PAPPA: variants seen among roughly 807,000 people sequenced by gnomAD.
PAPPA encodes pappalysin-1.
PAPPA carries 60 observed loss-of-function variants against 164.0 expected under a neutral mutation model. That is an observed-to-expected ratio of 0.37 (90% CI 0.30 to 0.45). The LOEUF is 0.45. Among genes scored for constraint, PAPPA ranks in the 20% least tolerant of loss-of-function variants. The pLI is 1.00. For missense variants in PAPPA, 1,782 were observed against 2,087.3 expected (o/e 0.85, Z 2.85); for synonymous variants, 875 against 814.1 (o/e 1.07, Z -1.27).
intron 20 of PAPPA, among the ~76,000 whole-genome samples, chr9:116,379,507 T>C (rs1846699108): frequency 6.6e-6 from 1 of 152,102 alleles, no homozygotes; most frequent in African/African-American, 2.4e-5. Flanking sequence ...AACTATGCTC[T>C]CCTTGAGTCA....
Position 116,211,901 on chromosome 9 carries a change from C to T in PAPPA, c.1887C>T (p.Asn629=), listed in dbSNP as rs924527507. The part of the protein sequence containing the change: ...NDTCGFHSFF[N]TPYNNFMSYA... ...CCTGTGGCTTTCATAGCTTCTTCAA[C>T]ACTCCTTACAACAACTTCATGAGCT... Residue 629 remains asparagine, a synonymous_variant, in exon 4 of 22, where the codon AAC becomes AAT. Coordinates refer to ENST00000328252, the MANE Select transcript of PAPPA (RefSeq NM_002581.5). 3.7e-6 allele frequency: 6 copies of T among 1,613,986 alleles called. No individual in the cohort carries two copies. The highest frequency in any genetic ancestry group is 1.3e-5 in the African/African-American group (1 of 74,916).
intron 21 of PAPPA, among the ~76,000 whole-genome samples, chr9:116,393,453 T>C (rs17302434): frequency 0.091 from 13,808 of 152,174 alleles, 630 homozygotes; most frequent in East Asian, 0.12. Context: ...TCATGGGTCA[T>C]TGAATGCATA....
intron 12 of PAPPA, among the ~76,000 whole-genome samples, chr9:116,333,545 G>A (rs1846020528): frequency 2.0e-5 from 3 of 152,298 alleles, no homozygotes; most frequent in Admixed American, 2.0e-4. Flanking sequence ...AGCAAGCCAG[G>A]CAAGGGGTCA....
intron 1 of PAPPA, among the ~76,000 whole-genome samples, chr9:116,184,691 A>T (rs961908257): frequency 6.6e-6 from 1 of 152,226 alleles, no homozygotes; most frequent in Non-Finnish European, 1.5e-5. Flanking sequence ...ATCAAAATTC[A>T]AAGTAAATTA....
chr9:116,345,750 G>A (rs1846199317), intron 14 of PAPPA, among the ~76,000 whole-genome samples: 1 of 152,228 alleles, frequency 6.6e-6, no homozygotes, highest in South Asian at 2.1e-4. Flanking sequence ...GATAGGACGT[G>A]TCCTGCGTGA....
chr9:116,253,000 C>T (rs1441264047), intron 7 of PAPPA, among the ~76,000 whole-genome samples: 10 of 152,170 alleles, frequency 6.6e-5, no homozygotes. Flanking sequence ...CTGCACCAGG[C>T]ACAGAGATAC....
At chr9:116,324,985 T>C (rs901368837) in intron 10 of PAPPA, among the ~76,000 whole-genome samples, 3 of 151,888 alleles carry the variant, frequency 2.0e-5, no homozygotes, top group Non-Finnish European at 4.4e-5. Flanking sequence ...AGTAGCAGGG[T>C]GGTATGGTTA....
chr9:116,200,957 T>A (rs1844165195), intron 2 of PAPPA, among the ~76,000 whole-genome samples: 1 of 152,246 alleles, frequency 6.6e-6, no homozygotes, highest in African/African-American at 2.4e-5. Context: ...ATTGATGCTA[T>A]TATGTTACAT....
At chr9:116,175,887 A>C (rs1055376699) in intron 1 of PAPPA, among the ~76,000 whole-genome samples, 5 of 152,158 alleles carry the variant, frequency 3.3e-5, no homozygotes, top group African/African-American at 1.2e-4. Flanking sequence ...ACAACCAAAA[A>C]CAGTATTAGG....
chr9:116,373,737 G>T (rs551581282), intron 19 of PAPPA: 4 of 152,142 alleles, frequency 2.6e-5, no homozygotes, highest in African/African-American at 4.8e-5. Flanking sequence ...TACAGCTTCA[G>T]GGGATGGTAT....
rs574004729 is a variant in PAPPA at position 116,202,442 on chromosome 9, G to T, written c.1479-5014G>T. Among the ~76,000 whole-genome samples, 4 of 152,240 alleles carry T rather than the reference G, an allele frequency of 2.6e-5. No individual in the cohort carries two copies. In the South Asian group the frequency reaches 8.3e-4, roughly 32 times the overall value. The stretch of plus-strand genomic sequence containing the variant: ...ATCTCCCTCCAGAACTGCACTCATG[G>T]CTTTGAAATGCAGTTCTGGCAAAGG... On this transcript the variant is annotated intron_variant, in intron 2 of 21. Coordinates refer to ENST00000328252, the MANE Select transcript of PAPPA (RefSeq NM_002581.5).
intron 12 of PAPPA, among the ~76,000 whole-genome samples, chr9:116,333,244 A>G (rs1470679196): frequency 6.6e-6 from 1 of 152,186 alleles, no homozygotes; most frequent in African/African-American, 2.4e-5. Context: ...CACATCACTT[A>G]GAGGCTCACT....
intron 2 of PAPPA, among the ~76,000 whole-genome samples, chr9:116,198,689 G>A (rs1844135332): frequency 1.3e-5 from 2 of 152,208 alleles, no homozygotes; most frequent in Admixed American, 6.5e-5. Context: ...CCTAGTGAGT[G>A]TAGCTGAGCT....
rs1477705083 is a variant in PAPPA at position 116,187,215 on chromosome 9, C to T, written c.477C>T (p.Thr159=). The part of the protein sequence containing the change: ...RDRGWVVGIH[T]ISDQDNKDPR... The stretch of plus-strand genomic sequence containing the variant: ...GAGGATGGGTCGTGGGCATTCACAC[C>T]ATCAGTGACCAAGACAACAAAGACC... The change falls in exon 2 of 22, where the codon ACC becomes ACT. Residue 159 remains threonine (T), a synonymous_variant. Transcript: ENST00000328252. This position sits in a 1 kb window ranked among gnomAD's most constrained non-coding sequence, Gnocchi z 4.2. The T allele has an allele frequency of 2.5e-6, 4 of 1,614,102 alleles. No homozygotes were observed. In the South Asian group the frequency reaches 4.4e-5, roughly 18 times the overall value.
intron 19 of PAPPA, among the ~76,000 whole-genome samples, chr9:116,370,286 A>G (rs989123266): frequency 1.4e-4 from 21 of 152,030 alleles, no homozygotes; most frequent in Non-Finnish European, 1.2e-4. Context: ...GTACGACCAC[A>G]CACATATGTC....
chr9:116,189,827 G>T (rs1386772694), intron 2 of PAPPA, among the ~76,000 whole-genome samples: 1 of 152,178 alleles, frequency 6.6e-6, no homozygotes, highest in Non-Finnish European at 1.5e-5. Context: ...AAAAGAGCAA[G>T]GGCCTCCCGT....
chr9:116,185,431 G>C (rs1386973799), intron 1 of PAPPA, among the ~76,000 whole-genome samples: 1 of 152,184 alleles, frequency 6.6e-6, no homozygotes, highest in Non-Finnish European at 1.5e-5. Flanking sequence ...AGTGAAGACT[G>C]TGTGGGCCTC....
chr9:116,186,678 C>T (rs1014371073), intron 1 of PAPPA, among the ~76,000 whole-genome samples: 1 of 152,034 alleles, frequency 6.6e-6, no homozygotes, highest in Non-Finnish European at 1.5e-5. Context: ...ATCTTCTGTT[C>T]GTTATCATCT....
chr9:116,270,020 C>A (rs1042565680), intron 8 of PAPPA, among the ~76,000 whole-genome samples: 1 of 152,186 alleles, frequency 6.6e-6, no homozygotes, highest in African/African-American at 2.4e-5. Flanking sequence ...TTAAAAGCAA[C>A]AAACATTGCC....
Sources: gnomAD v4.1 joint callset for allele counts (sites outside exome capture counted in the v4.1 genomes callset) on GRCh38, gnomAD v4.1.1 for gene constraint, Gnocchi (gnomAD v3.1) non-coding constraint, MANE v1.5 for transcripts, NCBI Gene and HGNC (gene_info 2026-07-23, HGNC 2026-07-21) for gene names.